The following LAMA1 variants were observed in gnomAD, a reference collection of about 807,000 sequenced individuals.
The protein encoded by LAMA1 is laminin subunit alpha-1.
Under a neutral mutation model 348.7 loss-of-function variants are expected in LAMA1, and 219 were observed. The ratio of observed to expected loss-of-function variants is 0.63; its 90% CI spans 0.56 to 0.70. The LOEUF (loss-of-function observed/expected upper bound fraction) is 0.70, where lower values mean the gene tolerates loss of function less well. Ranked by LOEUF, LAMA1 falls within the 30% of genes least tolerant of loss-of-function variation. The pLI is 0.00. For missense variants in LAMA1, 3,744 were observed against 3,888.0 expected, an observed-to-expected ratio of 0.96 and a Z score of 0.99; for synonymous variants, 1,487 against 1,491.0, an observed-to-expected ratio of 1.00 and a Z score of 0.06.
Position 6,966,282 on chromosome 18 carries a change from G to T in LAMA1, c.6915C>A (p.Asp2305Glu). Reference sequence around the variant, plus strand: ...CACTCCCGTCAAAATGGAAGGAAGGGTCTTCATTCTGGGAGCTGCAAAGCA... The same window carrying T: ...CACTCCCGTCAAAATGGAAGGAAGGTTCTTCATTCTGGGAGCTGCAAAGCA... ...RGCFGSSQNE[D>E]PSFHFDGSGY... Residue 2305 changes from aspartate to glutamate, a missense_variant, in exon 49 of 63, where the codon GAC becomes GAA. Transcript: ENST00000389658. 1 of 1,613,802 alleles carries T rather than the reference G, an allele frequency of 6.2e-7. No individual in the cohort carries two copies. Among genetic ancestry groups the T allele is most frequent in the Non-Finnish European group, 8.5e-7 (1 of 1,179,910 alleles).
At chr18:7,094,579 A>C (rs967423113) in intron 1 of LAMA1, among the ~76,000 whole-genome samples, 1 of 152,078 alleles carries the variant, frequency 6.6e-6, no homozygotes, top group East Asian at 1.9e-4. Flanking sequence ...TTCTGTCACT[A>C]TTTAACTAGA....
chr18:7,015,972 A>C, intron 21 of LAMA1, 114 bp from the exon 22 acceptor site: 1 of 1,297,666 alleles, frequency 7.7e-7, no homozygotes, highest in Non-Finnish European at 1.1e-6. Context: ...CTCACTCCTA[A>C]AAGACGCCTC....
chr18:7,004,349 C>T (rs1244385293), intron 29 of LAMA1, among the ~76,000 whole-genome samples: 1 of 152,140 alleles, frequency 6.6e-6, no homozygotes, highest in Non-Finnish European at 1.5e-5. Context: ...GGCATACTTC[C>T]AATCAATCAC....
intron 61 of LAMA1, among the ~76,000 whole-genome samples, chr18:6,943,843 CAA>C (rs61710961): frequency 0.011 from 665 of 63,198 alleles, 2 homozygotes; most frequent in Non-Finnish European, 0.012. Context: ...AACTCCATCT[CAA>C]AAAAAAAAAA....
Position 7,009,274 on chromosome 18 carries a change from G to T in LAMA1, c.3966C>A (p.Ile1322=), listed in dbSNP as rs1338824105. 2.0e-5 allele frequency: 32 copies of T among 1,613,908 alleles called. No individual in the cohort carries two copies. The highest frequency in any genetic ancestry group is 2.7e-5 in the African/African-American group (2 of 74,906). ...SVLSDIEYIL[I]KASYGQGLQQ... is the part of the protein sequence containing the mutation. The stretch of plus-strand genomic sequence containing the variant: ...GTAATCCTTGACCATACGATGCCTT[G>T]ATGAGGATGTACTCAATATCGCTGA... Residue 1322 remains isoleucine, a synonymous_variant, in exon 27 of 63, where the codon ATC becomes ATA. Transcript: ENST00000389658.
chr18:7,004,703 T>C (rs2057824498), intron 29 of LAMA1, among the ~76,000 whole-genome samples: 1 of 152,140 alleles, frequency 6.6e-6, no homozygotes, highest in African/African-American at 2.4e-5. Flanking sequence ...ACATCCTATA[T>C]ACTAATGACA....
chr18:6,952,510 G>A (rs1445849069), intron 57 of LAMA1, among the ~76,000 whole-genome samples: 1 of 152,162 alleles, frequency 6.6e-6, no homozygotes, highest in African/African-American at 2.4e-5. Context: ...GTGAGAGAGG[G>A]AGTGCAGCAC....
chr18:7,049,295 G>GTTAA, intron 4 of LAMA1, 38 bp from the exon 5 acceptor site: 1 of 1,505,228 alleles, frequency 6.6e-7, no homozygotes, highest in Non-Finnish European at 9.3e-7. Context: ...AATGTCAATT[G>GTTAA]TTTATTTATT....
chr18:7,045,626 T>G (rs1284646474), intron 6 of LAMA1, among the ~76,000 whole-genome samples: 2 of 152,152 alleles, frequency 1.3e-5, no homozygotes, highest in South Asian at 2.1e-4. Context: ...CAGCATGATC[T>G]CAGCTCACTG....
intron 51 of LAMA1, among the ~76,000 whole-genome samples, chr18:6,963,723 T>C (rs17518135): frequency 0.028 from 4,250 of 152,328 alleles, 76 homozygotes; most frequent in South Asian, 0.068. Flanking sequence ...CAAGCTGTCT[T>C]ACCTTGACTA....
intron 30 of LAMA1, among the ~76,000 whole-genome samples, chr18:7,000,772 A>T (rs904219690): frequency 9.9e-5 from 15 of 152,210 alleles, no homozygotes; most frequent in African/African-American, 3.6e-4. Context: ...CCTTTTCGTT[A>T]GCAAGATGAA....
intron 1 of LAMA1, among the ~76,000 whole-genome samples, chr18:7,102,399 C>A (rs1422350918): frequency 6.6e-6 from 1 of 151,824 alleles, no homozygotes; most frequent in East Asian, 1.9e-4. Flanking sequence ...CCCTTTAAAG[C>A]CATGCAGGTA....
rs186482426 is a variant in LAMA1, at chr18:7,095,005, T to C, written c.62-14548A>G. On this transcript the variant is annotated intron_variant, in intron 1 of 62. Coordinates refer to ENST00000389658, the MANE Select transcript of LAMA1 (RefSeq NM_005559.4). ...GATAGGAAGATTCAACATTGTGAGA[T>C]AGCAGTTCTCTCCAAATTGATCTAT... Among the ~76,000 whole-genome samples the C allele has an allele frequency of 2.0e-5, 3 of 151,852 alleles. No individual in the cohort carries two copies. The East Asian group carries it at 5.8e-4, about 29-fold the overall frequency.
intron 40 of LAMA1, among the ~76,000 whole-genome samples, chr18:6,982,855 A>G (rs988048748): frequency 6.6e-6 from 1 of 152,220 alleles, no homozygotes; most frequent in Non-Finnish European, 1.5e-5. Context: ...AAGTAGCATC[A>G]TCATTTTTAG....
chr18:6,981,102 CA>C (rs1216591782), intron 41 of LAMA1, among the ~76,000 whole-genome samples: 1,173 of 76,652 alleles, frequency 0.015, 10 homozygotes, highest in African/African-American at 0.035. Context: ...GACTCCGTCT[CA>C]AAAAAAAAAA....
intron 60 of LAMA1, among the ~76,000 whole-genome samples, chr18:6,947,559 G>A (rs879566026): frequency 1.4e-4 from 22 of 152,180 alleles, no homozygotes; most frequent in Non-Finnish European, 2.8e-4. Context: ...ACAGAAGCAC[G>A]TGGCCCTGCC....
chr18:7,080,427 C>T lies in LAMA1; in HGVS notation c.92G>A (p.Ser31Asn), dbSNP rs533018732. The change falls in exon 2 of 63, where the codon AGC (serine) becomes AAC (asparagine). Residue 31 changes from serine (S) to asparagine (N), a missense_variant. By Grantham distance (46) the Ser-to-Asn change is conservative. This residue lies in a region of LAMA1 where 1,529 missense variants were observed against 1,689.4 expected (regional missense o/e 0.91). Transcript: ENST00000389658. ...GGCATTGGTGCTGATGTGAGCATTG[C>T]TGGCAAGATTGAGAATGGCAGGAAA... The part of the protein sequence containing the change: ...GLFPAILNLA[S>N]NAHISTNATC... 1.9e-6 allele frequency: 3 copies of T among 1,614,244 alleles called. No homozygotes were observed. In the Admixed American group the frequency reaches 5.0e-5, roughly 27 times the overall value.
intron 60 of LAMA1, 123 bp from the exon 61 acceptor site, chr18:6,947,419 C>T (rs1406711173): frequency 3.0e-5 from 34 of 1,146,170 alleles, no homozygotes; most frequent in Non-Finnish European, 7.7e-6. Flanking sequence ...CAGCTGCATC[C>T]CCACCAGCAG....
chr18:7,057,857 C>T (rs1171443471), intron 3 of LAMA1, among the ~76,000 whole-genome samples: 5 of 149,750 alleles, frequency 3.3e-5, no homozygotes, highest in East Asian at 4.0e-4. Flanking sequence ...TGCAGTGGTG[C>T]GATCTCCGCT....
Sources: allele counts gnomAD v4.1 joint callset (sites outside exome capture counted in the v4.1 genomes callset), GRCh38; gene constraint gnomAD v4.1.1; regional missense constraint gnomAD v4.1.1; transcripts MANE v1.5; gene names NCBI Gene and HGNC (gene_info 2026-07-23, HGNC 2026-07-21).